The following DIP2B variants were observed in gnomAD, a reference collection of about 807,000 sequenced individuals.
DIP2B encodes the protein DIP2 acetate--CoA ligase B (putative).
In DIP2B, 76 loss-of-function variants were observed where a neutral mutation model predicts 198.0. That is an observed-to-expected ratio of 0.38 (90% CI 0.32 to 0.46). The LOEUF (loss-of-function observed/expected upper bound fraction) is 0.46. DIP2B is among the 20% of genes least tolerant of loss of function. The pLI is 0.99. For synonymous variants in DIP2B, 701 were observed against 739.1 expected, an observed-to-expected ratio of 0.95 and a Z score of 0.84; for missense variants, 1,559 against 1,978.4, an observed-to-expected ratio of 0.79 and a Z score of 4.02.
chr12:50,536,271 G>GTATACATACATA (rs36130956), intron 1 of DIP2B, among the ~76,000 whole-genome samples: 5 of 148,080 alleles, frequency 3.4e-5, no homozygotes, highest in African/African-American at 1.0e-4. Flanking sequence ...CTAAATACGT[G>GTATACATACATA]CATACATACA....
intron 4 of DIP2B, among the ~76,000 whole-genome samples, chr12:50,666,848 T>C (rs2700481): frequency 0.96 from 145,428 of 151,962 alleles, 69,923 homozygotes; most frequent in East Asian, 1. Flanking sequence ...GCTGAAACCT[T>C]GTCTCTACTA....
intron 1 of DIP2B, among the ~76,000 whole-genome samples, chr12:50,539,447 G>C (rs540143976): frequency 2.0e-3 from 302 of 151,764 alleles, no homozygotes; most frequent in Middle Eastern, 0.01. Context: ...GTGAAACCCC[G>C]TCTCTACTAA....
rs922940671 is a variant in DIP2B at position 50,530,902 on chromosome 12, A to G, written c.100+25662A>G. ...ACTGAATTTGAGAGGTTTTGGGGAC[A>G]TGCAAATGGAGATCTGTAGCAGCAG... On this transcript the variant is annotated intron_variant, in intron 1 of 37. Transcript: ENST00000301180. 9.2e-5 allele frequency among the ~76,000 whole-genome samples: 14 copies of G among 152,298 alleles called. 1 individual carries two copies. Among genetic ancestry groups the G allele is most frequent in the Middle Eastern group, 6.8e-3 (2 of 294 alleles).
rs532929874 is a variant in DIP2B, at chr12:50,745,027, A to G, written c.*188A>G. 1.8e-5 allele frequency: 13 copies of G among 730,210 alleles called. No individual in the cohort carries two copies. The highest frequency in any genetic ancestry group is 3.0e-5 in the Admixed American group (1 of 33,400). The allele number at this position is 730,210 out of a possible 1,614,324, so 45.2% of individuals were successfully genotyped here. A position where few individuals can be genotyped will look rare whatever the true frequency, so the allele number is the denominator to read the frequency against. On this transcript the variant is annotated 3_prime_UTR_variant, in exon 38 of 38. Transcript: ENST00000301180. ...GAATTCTGTGATGGCAAATGAAAAA[A>G]ATGTTAACATTTGGTAGACATGTGC...
At chr12:50,542,268 AAAAAAAG>A (rs1306749309) in intron 1 of DIP2B, among the ~76,000 whole-genome samples, 3 of 151,706 alleles carry the variant, frequency 2.0e-5, no homozygotes, top group South Asian at 4.1e-4. Context: ...AAAAAAAAGA[AAAAAAAG>A]AAAAAAGAAA....
intron 1 of DIP2B, among the ~76,000 whole-genome samples, chr12:50,589,329 G>A (rs1958799242): frequency 3.3e-5 from 5 of 150,164 alleles, no homozygotes; most frequent in Admixed American, 3.3e-4. Context: ...CAAGTAACTG[G>A]GATTATAGGT....
chr12:50,714,005 G>A (rs1939666599), intron 22 of DIP2B, among the ~76,000 whole-genome samples: 1 of 152,240 alleles, frequency 6.6e-6, no homozygotes, highest in Non-Finnish European at 1.5e-5. Flanking sequence ...GGGAGGTTGA[G>A]GCAGGAGGAT....
rs190579223 is a variant in DIP2B, at chr12:50,618,110, T to C, written c.101-7866T>C. ...CTTGTTCTCATGAAGGTAATGCTTT[T>C]TCCGTTTATTGAAGAAGGTTTTCAG... On this transcript the variant is annotated intron_variant, in intron 1 of 37. Transcript: ENST00000301180. 9.2e-5 allele frequency among the ~76,000 whole-genome samples: 14 copies of C among 152,336 alleles called. No homozygotes were observed. In the East Asian group the frequency reaches 2.5e-3, roughly 27 times the overall value.
intron 1 of DIP2B, among the ~76,000 whole-genome samples, chr12:50,526,285 T>C (rs985684283): frequency 5.9e-5 from 9 of 152,222 alleles, no homozygotes; most frequent in African/African-American, 1.9e-4. Flanking sequence ...TGGTGAGAGC[T>C]GCCCCTCAGG....
chr12:50,658,991 A>G (rs1288139254), intron 3 of DIP2B, among the ~76,000 whole-genome samples: 1 of 152,100 alleles, frequency 6.6e-6, no homozygotes, highest in Non-Finnish European at 1.5e-5. Flanking sequence ...GGAGGCTGAG[A>G]CAGGAAAATG....
intron 35 of DIP2B, among the ~76,000 whole-genome samples, chr12:50,737,987 A>G (rs1279001043): frequency 6.6e-6 from 1 of 152,150 alleles, no homozygotes; most frequent in Non-Finnish European, 1.5e-5. Flanking sequence ...GCCACTTACA[A>G]GCTTCTCAGT....
At chr12:50,572,042 C>T (rs1311324947) in intron 1 of DIP2B, among the ~76,000 whole-genome samples, 3 of 152,136 alleles carry the variant, frequency 2.0e-5, no homozygotes, top group African/African-American at 7.2e-5. Context: ...TTTGTTACAA[C>T]ACAGCTCCAG....
chr12:50,651,660 C>G (rs556879253), intron 3 of DIP2B, among the ~76,000 whole-genome samples: 4 of 138,054 alleles, frequency 2.9e-5, no homozygotes, highest in African/African-American at 5.0e-5. Flanking sequence ...TATTTCCGGG[C>G]TCTCTATTGT....
chr12:50,728,699 G>A (rs1391692154), intron 30 of DIP2B, 21 bp downstream of exon 30: 1 of 1,612,584 alleles, frequency 6.2e-7, no homozygotes, highest in East Asian at 2.2e-5. Flanking sequence ...AAAAGCCAAG[G>A]AGACAGAATG....
At chr12:50,683,107 C>T (rs1488022877) in intron 9 of DIP2B, 31 bp from the exon 10 acceptor site, 5 of 1,538,292 alleles carry the variant, frequency 3.3e-6, no homozygotes, top group Middle Eastern at 1.7e-4. Context: ...TTTTATTCCT[C>T]TGTTAAACTG....
chr12:50,620,085 T>A (rs905526953), intron 1 of DIP2B, among the ~76,000 whole-genome samples: 3 of 152,138 alleles, frequency 2.0e-5, no homozygotes, highest in African/African-American at 7.2e-5. Flanking sequence ...GAAATAAAAC[T>A]TGTCTAGAGT....
At chr12:50,560,753 A>C (rs1958512928) in intron 1 of DIP2B, among the ~76,000 whole-genome samples, 1 of 152,184 alleles carries the variant, frequency 6.6e-6, no homozygotes, top group African/African-American at 2.4e-5. Context: ...CCTGTCTCAA[A>C]AAAAAATAAA....
intron 19 of DIP2B, 114 bp downstream of exon 19, chr12:50,699,316 T>C (rs1273688030): frequency 1.4e-6 from 2 of 1,457,154 alleles, no homozygotes; most frequent in African/African-American, 2.8e-5. Flanking sequence ...GTGTGTACTC[T>C]GGAGCTAGAC....
chr12:50,698,216 AAATGGAGAAT>A, intron 17 of DIP2B, 102 bp from the exon 18 acceptor site: 1 of 1,361,420 alleles, frequency 7.3e-7, no homozygotes, highest in Non-Finnish European at 9.9e-7. Flanking sequence ...TTGGGAGAGA[AAATGGAGAAT>A]TTTTTTGGTA....
Sources: gnomAD v4.1 joint callset for allele counts (sites outside exome capture counted in the v4.1 genomes callset) on GRCh38, gnomAD v4.1.1 for gene constraint, MANE v1.5 for transcripts, NCBI Gene and HGNC (gene_info 2026-07-23, HGNC 2026-07-21) for gene names.